The following LINGO2 variants were observed in gnomAD, a reference collection of about 807,000 sequenced individuals.
LINGO2 encodes leucine-rich repeat and immunoglobulin-like domain-containing nogo receptor-interacting protein 2.
In LINGO2, 14 loss-of-function variants were observed where a neutral mutation model predicts 30.6. The ratio of observed to expected loss-of-function variants is 0.46; its 90% confidence interval spans 0.30 to 0.72. The LOEUF (loss-of-function observed/expected upper bound fraction) is 0.72, where lower values mean the gene tolerates loss of function less well. Ranked by LOEUF, LINGO2 falls within the 30% of genes least tolerant of loss-of-function variation. The pLI, the probability that LINGO2 is intolerant of heterozygous loss-of-function variation, is 0.07. For synonymous variants in LINGO2, 317 were observed against 288.5 expected, an observed-to-expected ratio of 1.10 and a Z score of -1.00; for missense variants, 729 against 751.7, an observed-to-expected ratio of 0.97 and a Z score of 0.35.
intron 1 of LINGO2, among the ~76,000 whole-genome samples, chr9:28,657,469 G>C (rs1046267207): frequency 3.3e-5 from 5 of 151,552 alleles, no homozygotes; most frequent in Admixed American, 6.6e-5. Flanking sequence ...ATTTCTTCAT[G>C]ACTTATTCTT....
the LINGO2 span, among the ~76,000 whole-genome samples, chr9:29,099,329 C>G: frequency 6.6e-6 from 1 of 152,070 alleles, no homozygotes; most frequent in Admixed American, 6.6e-5. Context: ...TGGGCAAAGA[C>G]TTCTTGAGCG....
At chr9:28,581,179 G>C (rs1477803996) in intron 1 of LINGO2, among the ~76,000 whole-genome samples, 3 of 151,922 alleles carry the variant, frequency 2.0e-5, no homozygotes, top group Non-Finnish European at 4.4e-5. Context: ...GTTGGTTAGA[G>C]TCCATCTAAT....
the LINGO2 span, among the ~76,000 whole-genome samples, chr9:28,701,536 CTGTT>C: frequency 3.3e-5 from 5 of 152,166 alleles, 1 homozygote; most frequent in African/African-American, 1.2e-4. Context: ...CAATACCACA[CTGTT>C]TGGTTACTGT....
At chr9:28,367,095 T>G (rs1266767202) in intron 3 of LINGO2, among the ~76,000 whole-genome samples, 1 of 147,796 alleles carries the variant, frequency 6.8e-6, no homozygotes, top group Non-Finnish European at 1.5e-5. Flanking sequence ...GTATTATAAT[T>G]TTGGTTAAAT....
chr9:29,203,793 T>C, the LINGO2 span, among the ~76,000 whole-genome samples: 2 of 152,204 alleles, frequency 1.3e-5, no homozygotes, highest in South Asian at 2.1e-4. Context: ...CACTCTGACA[T>C]TTCTTGTGCA....
At chr9:28,405,717 C>G (rs913250385) in intron 2 of LINGO2, among the ~76,000 whole-genome samples, 11 of 152,286 alleles carry the variant, frequency 7.2e-5, no homozygotes, top group Middle Eastern at 3.4e-3. Flanking sequence ...TAGAATAAGA[C>G]AAACTTCTCT....
the LINGO2 span, among the ~76,000 whole-genome samples, chr9:28,686,912 G>A: frequency 1.3e-5 from 2 of 152,064 alleles, no homozygotes; most frequent in Non-Finnish European, 2.9e-5. Flanking sequence ...ATAAGAAAAA[G>A]ACGCCTTTAA....
the LINGO2 span, among the ~76,000 whole-genome samples, chr9:29,154,445 G>A: frequency 3.0e-5 from 3 of 100,612 alleles, no homozygotes; most frequent in African/African-American, 7.2e-5. Context: ...GTGCGACTCC[G>A]TCTCAAAAAA....
chr9:28,326,655 T>C (rs558123299), intron 3 of LINGO2, among the ~76,000 whole-genome samples: 5 of 152,322 alleles, frequency 3.3e-5, no homozygotes, highest in Admixed American at 2.6e-4. Flanking sequence ...CCTCAGAACA[T>C]AGCACAGTGC....
At chr9:28,331,934 A>C (rs1825435027) in intron 3 of LINGO2, among the ~76,000 whole-genome samples, 1 of 152,184 alleles carries the variant, frequency 6.6e-6, no homozygotes, top group Non-Finnish European at 1.5e-5. Flanking sequence ...GACATCTCTT[A>C]TTAAAGAGTC....
chr9:29,112,054 CAT>C, the LINGO2 span, among the ~76,000 whole-genome samples: 1 of 151,272 alleles, frequency 6.6e-6, no homozygotes, highest in African/African-American at 2.4e-5. Flanking sequence ...ATAATGTGTA[CAT>C]ATGATATATA....
chr9:28,635,320 C>A (rs543951684), intron 1 of LINGO2, among the ~76,000 whole-genome samples: 30 of 152,046 alleles, frequency 2.0e-4, no homozygotes, highest in African/African-American at 7.0e-4. Flanking sequence ...AGACTTCTAC[C>A]CTAACTGTGA....
the LINGO2 span, among the ~76,000 whole-genome samples, chr9:28,957,210 G>A: frequency 4.1e-4 from 62 of 152,230 alleles, no homozygotes; most frequent in Admixed American, 5.9e-4. Context: ...ACCCTGGGAC[G>A]TATGATTATC....
the LINGO2 span, among the ~76,000 whole-genome samples, chr9:29,040,565 TA>T: frequency 3.4e-4 from 49 of 145,600 alleles, no homozygotes; most frequent in Admixed American, 5.5e-4. Context: ...GACGCCTCTT[TA>T]AAAAAAAAAA....
chr9:28,968,774 TATTA>T, the LINGO2 span, among the ~76,000 whole-genome samples: 13 of 152,178 alleles, frequency 8.5e-5, no homozygotes, highest in African/African-American at 2.9e-4. Flanking sequence ...TTGGAACTTG[TATTA>T]ATTTTGATGT....
intron 1 of LINGO2, among the ~76,000 whole-genome samples, chr9:28,479,910 G>GATAT (rs1825877893): frequency 1.2e-4 from 2 of 17,234 alleles, no homozygotes; most frequent in African/African-American, 1.6e-4. Flanking sequence ...TATATACGTA[G>GATAT]GTATATATAT....
the LINGO2 span, among the ~76,000 whole-genome samples, chr9:29,135,141 A>G: frequency 0.43 from 64,800 of 151,980 alleles, 13,916 homozygotes; most frequent in East Asian, 0.58. Flanking sequence ...ATATGTACAT[A>G]GACATAATTT....
intron 1 of LINGO2, among the ~76,000 whole-genome samples, chr9:28,597,970 G>A (rs1825270829): frequency 6.6e-6 from 1 of 151,996 alleles, no homozygotes; most frequent in African/African-American, 2.4e-5. Context: ...TCACTATGTT[G>A]CCCAGGCTGG....
intron 1 of LINGO2, among the ~76,000 whole-genome samples, chr9:28,665,371 C>T (rs1258231410): frequency 6.6e-6 from 1 of 152,026 alleles, no homozygotes; most frequent in African/African-American, 2.4e-5. Context: ...ATGTGCAACA[C>T]ATTTAGTTCT....
Sources: allele counts gnomAD v4.1 joint callset (sites outside exome capture counted in the v4.1 genomes callset), GRCh38; gene constraint gnomAD v4.1.1; transcripts MANE v1.5; gene names NCBI Gene and HGNC (gene_info 2026-07-23, HGNC 2026-07-21).